The following ENOX1 variants were observed in gnomAD, a reference collection of about 807,000 sequenced individuals.
ENOX1 encodes candidate growth-related and time keeping constitutive hydroquinone (NADH) oxidase.
A neutral mutation model predicts 82.5 loss-of-function variants in ENOX1; 42 were observed. That is an observed-to-expected ratio of 0.51 (90% CI 0.40 to 0.66). The LOEUF (loss-of-function observed/expected upper bound fraction) is 0.66, where lower values mean the gene tolerates loss of function less well. Ranked by LOEUF, ENOX1 falls within the 30% of genes least tolerant of loss-of-function variation. The pLI, the probability that ENOX1 is intolerant of heterozygous loss-of-function variation, is 0.00. For synonymous variants in ENOX1, 271 were observed against 282.2 expected (o/e 0.96, Z 0.40); for missense variants, 608 against 811.6 (o/e 0.75, Z 3.05).
At chr13:43,235,813 C>T (rs1315257449) in intron 15 of ENOX1, among the ~76,000 whole-genome samples, 1 of 152,064 alleles carries the variant, frequency 6.6e-6, no homozygotes, top group East Asian at 1.9e-4. Flanking sequence ...CTTGCATGTA[C>T]ATTGGCCTCA....
intron 14 of ENOX1, among the ~76,000 whole-genome samples, chr13:43,250,862 CA>C (rs1186031654): frequency 6.6e-6 from 1 of 152,126 alleles, no homozygotes; most frequent in Non-Finnish European, 1.5e-5. Context: ...TGATATAAGC[CA>C]TGACAAAGGA....
At chr13:43,566,645 A>G (rs902709387) in intron 2 of ENOX1, among the ~76,000 whole-genome samples, 3 of 152,028 alleles carry the variant, frequency 2.0e-5, no homozygotes, top group Admixed American at 6.6e-5. Context: ...TCTGAAAAAA[A>G]TAGAGCAAAG....
intron 2 of ENOX1, among the ~76,000 whole-genome samples, chr13:43,499,328 G>C (rs574716637): frequency 6.6e-6 from 1 of 152,130 alleles, no homozygotes; most frequent in Non-Finnish European, 1.5e-5. Flanking sequence ...TTGTGTAAAT[G>C]TTAATTTCTT....
chr13:43,507,634 T>G (rs1452930731), intron 2 of ENOX1, among the ~76,000 whole-genome samples: 1 of 152,038 alleles, frequency 6.6e-6, no homozygotes. Flanking sequence ...GGAAAAATTC[T>G]TGAGGATGTG....
intron 3 of ENOX1, among the ~76,000 whole-genome samples, chr13:43,475,536 A>T (rs926771160): frequency 1.3e-5 from 2 of 152,176 alleles, no homozygotes; most frequent in Non-Finnish European, 2.9e-5. Flanking sequence ...TGCTAAGGAA[A>T]ATCAAAGGAA....
At chr13:43,770,648 CATTT>C (rs987532558) in intron 1 of ENOX1, among the ~76,000 whole-genome samples, 9 of 151,446 alleles carry the variant, frequency 5.9e-5, no homozygotes, top group South Asian at 2.1e-4. Context: ...ACAAAAATCT[CATTT>C]ATTTACTTTA....
chr13:43,647,105 G>T (rs1262631596), intron 2 of ENOX1, among the ~76,000 whole-genome samples: 1 of 152,114 alleles, frequency 6.6e-6, no homozygotes, highest in South Asian at 2.1e-4. Flanking sequence ...ACCTTGTAAG[G>T]GGCAGGGAAG....
intron 2 of ENOX1, among the ~76,000 whole-genome samples, chr13:43,493,803 G>A (rs1425649379): frequency 2.0e-5 from 3 of 152,128 alleles, no homozygotes; most frequent in African/African-American, 7.2e-5. Flanking sequence ...CCAGCTATCT[G>A]GGTATCCCTT....
At chr13:43,305,871 A>T (rs1474795378) in intron 11 of ENOX1, among the ~76,000 whole-genome samples, 1 of 152,234 alleles carries the variant, frequency 6.6e-6, no homozygotes, top group Non-Finnish European at 1.5e-5. Context: ...CGGGAAACAC[A>T]TCAGAAGTGA....
chr13:43,654,421 A>T (rs1352980495), intron 2 of ENOX1, among the ~76,000 whole-genome samples: 1 of 152,180 alleles, frequency 6.6e-6, no homozygotes, highest in African/African-American at 2.4e-5. Context: ...TCTCTTCATA[A>T]ATACATATTT....
chr13:43,697,210 C>T (rs894606202), intron 1 of ENOX1, among the ~76,000 whole-genome samples: 3 of 152,114 alleles, frequency 2.0e-5, no homozygotes, highest in African/African-American at 4.8e-5. Flanking sequence ...ATCAGGGGAA[C>T]ATATGTAGGT....
intron 2 of ENOX1, among the ~76,000 whole-genome samples, chr13:43,559,240 T>G (rs2079567538): frequency 6.6e-6 from 1 of 152,236 alleles, no homozygotes; most frequent in Non-Finnish European, 1.5e-5. Flanking sequence ...TGCAAGGGGC[T>G]TATTCACAAA....
chr13:43,266,350 T>C (rs1004320369), intron 13 of ENOX1, among the ~76,000 whole-genome samples: 11 of 152,214 alleles, frequency 7.2e-5, no homozygotes, highest in African/African-American at 2.7e-4. Context: ...ATGTGTTTGA[T>C]TCATAACATT....
rs148086010 is a variant in ENOX1, at chr13:43,782,901, C to T, written c.-285+3751G>A. 3.0e-4 allele frequency among the ~76,000 whole-genome samples: 45 copies of T among 152,258 alleles called. No individual in the cohort carries two copies. The East Asian group carries it at 8.1e-3, about 27-fold the overall frequency. ...AGATGACTCATCTTCCACTAACAGG[C>T]ATTAGGTAACACCTTTGGCAAGATG... On this transcript the variant is annotated intron_variant, in intron 1 of 16. Coordinates refer to ENST00000690772, the MANE Select transcript of ENOX1 (RefSeq NM_001347969.2).
At chr13:43,462,879 G>A (rs575916002) in intron 3 of ENOX1, among the ~76,000 whole-genome samples, 1 of 118,680 alleles carries the variant, frequency 8.4e-6, no homozygotes, top group Non-Finnish European at 1.9e-5. Flanking sequence ...ACTTTCTCTG[G>A]CAATTAAAAA....
chr13:43,702,371 C>G (rs940958661), intron 1 of ENOX1, among the ~76,000 whole-genome samples: 9 of 152,156 alleles, frequency 5.9e-5, no homozygotes, highest in African/African-American at 1.9e-4. Flanking sequence ...ACTGTTCAGT[C>G]TGATTGAAGA....
rs575475204 is a variant in ENOX1, at chr13:43,630,969, G to A, written c.-219+36510C>T. On this transcript the variant is annotated intron_variant, in intron 2 of 16. Coordinates refer to ENST00000690772, the MANE Select transcript of ENOX1 (RefSeq NM_001347969.2). ...TGTGTGTATGTAATACATATAATTA[G>A]ATGGGCTCATACCGTAAATACCACT... Among the ~76,000 whole-genome samples the A allele has an allele frequency of 9.9e-4, 151 of 151,860 alleles. 1 individual carries two copies. The South Asian group carries it at 0.01, about 10-fold the overall frequency.
chr13:43,342,986 C>T (rs2049158424), intron 9 of ENOX1, among the ~76,000 whole-genome samples: 1 of 152,190 alleles, frequency 6.6e-6, no homozygotes, highest in South Asian at 2.1e-4. Flanking sequence ...GCCCTCTTAT[C>T]TTTATTGTTA....
At chr13:43,302,110 TA>T (rs57152548) in intron 11 of ENOX1, among the ~76,000 whole-genome samples, 124,069 of 148,148 alleles carry the variant, frequency 0.84, 52,269 homozygotes, top group East Asian at 0.96. Context: ...GTATAAGGAT[TA>T]AAAAAAAAAA....
Sources: allele counts gnomAD v4.1 joint callset (sites outside exome capture counted in the v4.1 genomes callset), GRCh38; gene constraint gnomAD v4.1.1; transcripts MANE v1.5; gene names NCBI Gene and HGNC (gene_info 2026-07-23, HGNC 2026-07-21).